RALGAPA1: variants seen among roughly 807,000 people sequenced by gnomAD.
The protein encoded by RALGAPA1 is Ral GTPase activating protein catalytic subunit alpha 1.
In RALGAPA1, 52 loss-of-function variants were observed where a neutral mutation model predicts 269.6. That is an observed-to-expected ratio of 0.19 (90% CI 0.15 to 0.24). The LOEUF (loss-of-function observed/expected upper bound fraction) is 0.24, where lower values mean the gene tolerates loss of function less well. RALGAPA1 is among the 10% of genes least tolerant of loss of function. The pLI, the probability that RALGAPA1 is intolerant of heterozygous loss-of-function variation, is 1.00. For missense variants in RALGAPA1, 1,917 were observed against 3,013.9 expected, an observed-to-expected ratio of 0.64 and a Z score of 8.52; for synonymous variants, 817 against 1,008.3, an observed-to-expected ratio of 0.81 and a Z score of 3.60.
chr14:35,656,959 T>C (rs751743300), intron 28 of RALGAPA1, among the ~76,000 whole-genome samples: 7 of 152,276 alleles, frequency 4.6e-5, no homozygotes, highest in African/African-American at 1.4e-4. Flanking sequence ...AGCAAAGCTC[T>C]CCGTGGATGC....
intron 41 of RALGAPA1, 151 bp from the exon 42 acceptor site, chr14:35,539,841 G>T: frequency 8.9e-7 from 1 of 1,121,798 alleles, no homozygotes; most frequent in Non-Finnish European, 1.2e-6. Context: ...TGTTACAATA[G>T]CCTACTAATG....
intron 31 of RALGAPA1, among the ~76,000 whole-genome samples, chr14:35,643,837 C>CA (rs1225853367): frequency 6.6e-6 from 1 of 152,038 alleles, no homozygotes; most frequent in African/African-American, 2.4e-5. Context: ...AATATGAAAA[C>CA]AACTGAACTC....
intron 1 of RALGAPA1, among the ~76,000 whole-genome samples, chr14:35,792,322 A>G (rs1463380723): frequency 6.6e-6 from 1 of 151,974 alleles, no homozygotes; most frequent in African/African-American, 2.4e-5. Flanking sequence ...ACGCCCAGCT[A>G]ATTTTTGTAT....
At chr14:35,741,425 G>A (rs559582629) in intron 11 of RALGAPA1, among the ~76,000 whole-genome samples, 3 of 151,830 alleles carry the variant, frequency 2.0e-5, no homozygotes, top group Non-Finnish European at 4.4e-5. Flanking sequence ...CTTAGAAGGG[G>A]GGAGGGTGCT....
chr14:35,673,989 T>C (rs2064728945), intron 24 of RALGAPA1, among the ~76,000 whole-genome samples, 191 bp downstream of exon 24: 1 of 152,200 alleles, frequency 6.6e-6, no homozygotes, highest in Admixed American at 6.5e-5. Context: ...TATGAAATAA[T>C]CAAAAGCAAT....
At chr14:35,652,423 T>C (rs1189288117) in intron 30 of RALGAPA1, among the ~76,000 whole-genome samples, 2 of 151,986 alleles carry the variant, frequency 1.3e-5, no homozygotes, top group Non-Finnish European at 2.9e-5. Flanking sequence ...ATGTGACTTT[T>C]TATTTATTTA....
At chr14:35,738,300 C>T (rs1384507699) in intron 12 of RALGAPA1, among the ~76,000 whole-genome samples, 5 of 151,342 alleles carry the variant, frequency 3.3e-5, no homozygotes, top group Non-Finnish European at 7.4e-5. Context: ...TACACCATAA[C>T]ATAATTTATA....
chr14:35,701,485 C>T (rs1011446082), intron 16 of RALGAPA1, among the ~76,000 whole-genome samples: 1 of 152,090 alleles, frequency 6.6e-6, no homozygotes, highest in African/African-American at 2.4e-5. Flanking sequence ...ACTGTCCTCC[C>T]GTGCTGCCGC....
At chr14:35,806,161 G>A (rs931358036) in intron 1 of RALGAPA1, among the ~76,000 whole-genome samples, 1 of 152,074 alleles carries the variant, frequency 6.6e-6, no homozygotes, top group Non-Finnish European at 1.5e-5. Flanking sequence ...AAAGCTGTCA[G>A]AATTATTTAA....
intron 11 of RALGAPA1, among the ~76,000 whole-genome samples, chr14:35,742,016 G>T (rs1156292015): frequency 6.6e-6 from 1 of 152,234 alleles, no homozygotes; most frequent in Non-Finnish European, 1.5e-5. Flanking sequence ...AGGAGGAACT[G>T]TGGTTTGGTA....
chr14:35,580,953 A>G (rs547683683), intron 37 of RALGAPA1, among the ~76,000 whole-genome samples: 1 of 152,194 alleles, frequency 6.6e-6, no homozygotes, highest in East Asian at 1.9e-4. Flanking sequence ...TAATGTGTCT[A>G]CTGAATGGAT....
At position 35,703,856 on chromosome 14, in the gene RALGAPA1, C is replaced by CAA. The variant is rs34474277; in HGVS notation, c.2267-3556_2267-3555dup. Among the ~76,000 whole-genome samples the CAA allele has an allele frequency of 2.8e-4, 40 of 142,796 alleles. No individual in the cohort carries two copies. In the East Asian group the frequency reaches 5.8e-3, roughly 21 times the overall value. The allele number at this position is 142,796 out of a possible 152,430, so 93.7% of individuals were successfully genotyped here. Reference sequence around the variant, plus strand: ...GAAGGCTTCCTATCTTTTCCCCTCTCAAAAAAAAAAAATGCATTCCCATAA... The same window carrying CAA: ...GAAGGCTTCCTATCTTTTCCCCTCTCAAAAAAAAAAAAAATGCATTCCCATAA... On this transcript the variant is annotated intron_variant, in intron 16 of 41. Coordinates refer to ENST00000680220, the MANE Select transcript of RALGAPA1 (RefSeq NM_001346249.2).
At chr14:35,541,943 A>G (rs2054047309) in intron 41 of RALGAPA1, 1 of 929,302 alleles carries the variant, frequency 1.1e-6, no homozygotes, top group African/African-American at 1.7e-5. Context: ...CAAGGTTTTT[A>G]TTATGAAATA....
At chr14:35,641,879 T>C (rs756654119) in intron 31 of RALGAPA1, among the ~76,000 whole-genome samples, 5 of 152,114 alleles carry the variant, frequency 3.3e-5, no homozygotes, top group African/African-American at 9.7e-5. Flanking sequence ...CAAAACAGTA[T>C]GGAACTGGCA....
chr14:35,684,890 C>T, intron 20 of RALGAPA1, 39 bp downstream of exon 20: 1 of 1,573,804 alleles, frequency 6.4e-7, no homozygotes. Flanking sequence ...AGAAGACAAT[C>T]AACATAAAAC....
chr14:35,578,252 T>G (rs1465925538), intron 37 of RALGAPA1, among the ~76,000 whole-genome samples: 1 of 152,200 alleles, frequency 6.6e-6, no homozygotes, highest in Non-Finnish European at 1.5e-5. Flanking sequence ...TATACTTTTC[T>G]CAATACAAAT....
At chr14:35,561,098 G>A (rs966438487) in intron 39 of RALGAPA1, among the ~76,000 whole-genome samples, 9 of 151,376 alleles carry the variant, frequency 5.9e-5, no homozygotes, top group Non-Finnish European at 8.8e-5. Context: ...GTGGTGGCAG[G>A]CACCTGTAAT....
intron 39 of RALGAPA1, among the ~76,000 whole-genome samples, chr14:35,563,609 AAGTCTTTT>A (rs1193281511): frequency 2.6e-5 from 4 of 152,226 alleles, no homozygotes; most frequent in Non-Finnish European, 5.9e-5. Context: ...GAGCCATCTT[AAGTCTTTT>A]AGTATACAGA....
intron 32 of RALGAPA1, 62 bp downstream of exon 32, chr14:35,635,402 T>C (rs759533157): frequency 9.1e-5 from 131 of 1,446,644 alleles, no homozygotes; most frequent in Non-Finnish European, 1.1e-4. Flanking sequence ...CTGAGAAATG[T>C]TATTTCTCTA....
Sources: gnomAD v4.1 joint callset for allele counts (sites outside exome capture counted in the v4.1 genomes callset) on GRCh38, gnomAD v4.1.1 for gene constraint, MANE v1.5 for transcripts, NCBI Gene and HGNC (gene_info 2026-07-23, HGNC 2026-07-21) for gene names.